PRR14L: variants seen among roughly 807,000 people sequenced by gnomAD.
PRR14L encodes proline rich 14 like, also known as protein PRR14L.
In PRR14L, 80 loss-of-function variants were observed where a neutral mutation model predicts 155.0. The ratio of observed to expected loss-of-function variants is 0.52; its 90% CI spans 0.43 to 0.62. PRR14L has a LOEUF of 0.62. Among genes scored for constraint, PRR14L ranks in the 20% least tolerant of loss-of-function variants. The probability of loss-of-function intolerance (pLI) is 0.00; values close to 1 mark genes in which losing one functional copy is unlikely to be tolerated. For missense variants in PRR14L, 2,469 were observed against 2,548.0 expected (o/e 0.97, Z 0.67); for synonymous variants, 883 against 916.0 (o/e 0.96, Z 0.65).
At chr22:31,720,717 A>C (rs1405482466) in intron 3 of PRR14L, among the ~76,000 whole-genome samples, 1 of 152,242 alleles carries the variant, frequency 6.6e-6, no homozygotes, top group Non-Finnish European at 1.5e-5. Context: ...CCTGGGCGAC[A>C]CAGTGAGAAC....
chr22:31,708,421 G>A (rs1017719720), intron 4 of PRR14L, among the ~76,000 whole-genome samples: 4 of 151,016 alleles, frequency 2.6e-5, no homozygotes, highest in Admixed American at 1.3e-4. Context: ...CTGCCTCCTG[G>A]GTTCAAGCAA....
chr22:31,695,095 C>CAA (rs1480387922), intron 7 of PRR14L, among the ~76,000 whole-genome samples: 1 of 151,880 alleles, frequency 6.6e-6, no homozygotes, highest in African/African-American at 2.4e-5. Context: ...CAAAACAAAA[C>CAA]AAAAAAACCT....
At chr22:31,747,491 G>C (rs1007580424) in intron 1 of PRR14L, among the ~76,000 whole-genome samples, 8 of 149,618 alleles carry the variant, frequency 5.3e-5, no homozygotes, top group African/African-American at 2.0e-4. Flanking sequence ...ACTAGATGCA[G>C]AGTCTTGAGT....
At chr22:31,717,368 G>T in intron 3 of PRR14L, 77 bp from the exon 4 acceptor site, 1 of 1,171,878 alleles carries the variant, frequency 8.5e-7, no homozygotes, top group Non-Finnish European at 1.2e-6. Flanking sequence ...ATTTTATTAT[G>T]CTATGCTACC....
intron 2 of PRR14L, among the ~76,000 whole-genome samples, chr22:31,729,884 T>C (rs147470179): frequency 0.013 from 2,030 of 152,152 alleles, 15 homozygotes; most frequent in Middle Eastern, 0.031. Context: ...CTGAACTGCA[T>C]ATTTTTGGGC....
At position 31,681,384 on chromosome 22, in the gene PRR14L, A is replaced by C. The variant is rs1316009107; in HGVS notation, c.*4143T>G. The C allele has an allele frequency of 6.6e-6, 1 of 152,260 alleles. No homozygotes were observed. Among genetic ancestry groups the C allele is most frequent in the African/African-American group, 2.4e-5 (1 of 41,470 alleles). The allele number at this position is 152,260 out of a possible 1,614,324, so 9.4% of individuals were successfully genotyped here. ...TCAAAAAAATTTATTTTCATAAATT[A>C]ACACACATAACAGTGGAAATCTTAG... On this transcript the variant is annotated 3_prime_UTR_variant, in exon 9 of 9. Transcript: ENST00000327423.
In PRR14L at chr22:31,712,820, A is replaced by G. The variant is rs2074631229; in HGVS notation, c.5019T>C (p.Tyr1673=). 3.2e-6 allele frequency: 5 copies of G among 1,552,036 alleles called. No individual in the cohort carries two copies. Among genetic ancestry groups the G allele is most frequent in the Non-Finnish European group, 4.4e-6 (5 of 1,147,096 alleles). The change falls in exon 4 of 9, where the codon TAT becomes TAC. Residue 1673 remains tyrosine, a synonymous_variant. Coordinates refer to ENST00000327423, the MANE Select transcript of PRR14L (RefSeq NM_173566.3). ...FSSSTEQLNP[Y]LAASGWDKRP... ...TCTTATCCCATCCACTAGCTGCCAA[A>G]TATGGATTCAGCTGCTCTGTGCTGG...
At chr22:31,711,165 T>TG (rs2074618848) in intron 4 of PRR14L, among the ~76,000 whole-genome samples, 1 of 152,190 alleles carries the variant, frequency 6.6e-6, no homozygotes, top group Non-Finnish European at 1.5e-5. Context: ...TTCTGCAAGA[T>TG]GGGCGCAAGA....
rs566330386 is a variant in PRR14L at position 31,715,676 on chromosome 22, G to A, written c.2163C>T (p.Asn721=). 2.6e-6 allele frequency: 4 copies of A among 1,552,252 alleles called. No individual in the cohort carries two copies. In the African/African-American group the frequency reaches 5.5e-5, roughly 21 times the overall value. ...AGTTTGAAGAGGCACCACAGGTTTG[G>A]TTACCTGGTGGAGAGATGTCTTTTA... ...TKIKDISPPG[N]QTCGASSNCP... Residue 721 remains asparagine, a synonymous_variant, in exon 4 of 9, where the codon AAC becomes AAT. Transcript: ENST00000327423.
At chr22:31,739,003 T>A (rs1408380463) in intron 1 of PRR14L, 92 bp from the exon 2 acceptor site, 1 of 587,252 alleles carries the variant, frequency 1.7e-6, no homozygotes, top group East Asian at 2.8e-5. Context: ...ACGAAGAAAA[T>A]AAGTTCTACT....
chr22:31,723,984 C>T (rs1178525909), intron 3 of PRR14L, among the ~76,000 whole-genome samples: 1 of 152,222 alleles, frequency 6.6e-6, no homozygotes, highest in African/African-American at 2.4e-5. Context: ...GCTCCTCATG[C>T]TTGCATTACT....
chr22:31,735,914 A>G (rs913512098), intron 2 of PRR14L, among the ~76,000 whole-genome samples: 6 of 150,970 alleles, frequency 4.0e-5, no homozygotes, highest in African/African-American at 9.9e-5. Context: ...TTAGCCGGGC[A>G]TGGTGGCAGG....
intron 7 of PRR14L, among the ~76,000 whole-genome samples, chr22:31,696,252 C>T (rs970361966): frequency 5.9e-5 from 9 of 151,994 alleles, no homozygotes; most frequent in South Asian, 2.1e-4. Flanking sequence ...AGCGATTCTC[C>T]GGCCTCAGCC....
chr22:31,727,994 A>G (rs1294756505), intron 2 of PRR14L, among the ~76,000 whole-genome samples: 1 of 151,692 alleles, frequency 6.6e-6, no homozygotes, highest in Non-Finnish European at 1.5e-5. Flanking sequence ...AAAAAAAAAA[A>G]GAAAAGAAAT....
At chr22:31,708,986 G>A (rs2074606493) in intron 4 of PRR14L, among the ~76,000 whole-genome samples, 1 of 151,902 alleles carries the variant, frequency 6.6e-6, no homozygotes, top group Admixed American at 6.6e-5. Context: ...ACCACACCCG[G>A]CTAATTTTGT....
intron 2 of PRR14L, among the ~76,000 whole-genome samples, chr22:31,734,267 A>T (rs1377734138): frequency 1.3e-5 from 2 of 152,142 alleles, no homozygotes; most frequent in Non-Finnish European, 2.9e-5. Context: ...CACCACACCT[A>T]GCCCAAGTCT....
chr22:31,730,740 TTGAGA>T (rs1288328725), intron 2 of PRR14L, among the ~76,000 whole-genome samples: 1 of 152,242 alleles, frequency 6.6e-6, no homozygotes, highest in Non-Finnish European at 1.5e-5. Context: ...TGATTCCTGC[TTGAGA>T]TAATTATTAT....
chr22:31,717,279 T>C lies in PRR14L; in HGVS notation c.560A>G (p.Gln187Arg). ...DFLRSKEGNVQITAETLLKSA... is the reference protein window; with the variant it reads ...DFLRSKEGNVRITAETLLKSA... ...TTTTAGCAGAGTTTCAGCTGTAATC[T>C]GTACATTTCCTTCTGAATAAGAGAA... is the stretch of plus-strand genomic sequence containing the variant. The change falls in exon 4 of 9, where the codon CAG becomes CGG. Residue 187 changes from glutamine to arginine, a missense_variant. Gln to Arg is a conservative substitution (Grantham distance 43). Around this residue, in one of 2 missense-constraint regions of PRR14L, gnomAD observed 2,363 missense variants for 2,371.6 expected, o/e 1.00. Transcript: ENST00000327423. The C allele has an allele frequency of 6.5e-7, 1 of 1,540,994 alleles. No homozygotes were observed. The highest frequency in any genetic ancestry group is 8.8e-7 in the Non-Finnish European group (1 of 1,141,946).
At chr22:31,702,153 T>C (rs1444986457) in intron 6 of PRR14L, among the ~76,000 whole-genome samples, 2 of 152,240 alleles carry the variant, frequency 1.3e-5, no homozygotes, top group Non-Finnish European at 2.9e-5. Context: ...AAAACATTGC[T>C]ACCTCACTCT....
Sources: allele counts gnomAD v4.1 joint callset (sites outside exome capture counted in the v4.1 genomes callset), GRCh38; gene constraint gnomAD v4.1.1; regional missense constraint gnomAD v4.1.1; transcripts MANE v1.5; gene names NCBI Gene and HGNC (gene_info 2026-07-23, HGNC 2026-07-21).